The following FAM171A1 variants were observed in gnomAD, a reference collection of about 807,000 sequenced individuals.
FAM171A1 encodes family with sequence similarity 171 member A1.
In FAM171A1, 23 loss-of-function variants were observed where a neutral mutation model predicts 74.9. The observed-to-expected ratio is 0.31, with a 90% CI of 0.22 to 0.44. The LOEUF is 0.44. Ranked by LOEUF, FAM171A1 falls within the 20% of genes least tolerant of loss-of-function variation. The probability of loss-of-function intolerance (pLI) is 1.00; values close to 1 mark genes in which losing one functional copy is unlikely to be tolerated. For missense variants in FAM171A1, 1,162 were observed against 1,159.2 expected, an observed-to-expected ratio of 1.00 and a Z score of -0.03; for synonymous variants, 527 against 505.7, an observed-to-expected ratio of 1.04 and a Z score of -0.57.
At chr10:15,345,519 C>T (rs149550775) in intron 1 of FAM171A1, among the ~76,000 whole-genome samples, 17 of 152,278 alleles carry the variant, frequency 1.1e-4, no homozygotes, top group Non-Finnish European at 1.9e-4. Flanking sequence ...TGTATAAAGG[C>T]AGGGTGGCCG....
chr10:15,217,278 C>T (rs1472852394), intron 6 of FAM171A1, among the ~76,000 whole-genome samples: 2 of 152,060 alleles, frequency 1.3e-5, no homozygotes, highest in Admixed American at 6.6e-5. Flanking sequence ...TATTGGTGTC[C>T]GAGTTTCCTG....
At chr10:15,277,277 G>A (rs184537388) in intron 2 of FAM171A1, among the ~76,000 whole-genome samples, 11 of 152,184 alleles carry the variant, frequency 7.2e-5, no homozygotes, top group East Asian at 3.9e-4. Flanking sequence ...GAGTGCAATC[G>A]CGTGATCTTG....
chr10:15,293,982 T>A (rs139476910), intron 1 of FAM171A1, among the ~76,000 whole-genome samples: 2 of 152,318 alleles, frequency 1.3e-5, no homozygotes, highest in East Asian at 3.9e-4. Flanking sequence ...GCTCTGCTCA[T>A]TCTGGTTGGC....
chr10:15,238,014 C>T (rs1299733161), intron 5 of FAM171A1, among the ~76,000 whole-genome samples: 1 of 152,184 alleles, frequency 6.6e-6, no homozygotes, highest in African/African-American at 2.4e-5. Context: ...TGAACTACGG[C>T]ATCTATTCTT....
intron 5 of FAM171A1, among the ~76,000 whole-genome samples, chr10:15,226,474 G>C (rs1252274960): frequency 2.0e-5 from 3 of 152,144 alleles, no homozygotes; most frequent in African/African-American, 7.2e-5. Flanking sequence ...TAAAAGGTAA[G>C]CTTCCCTGCA....
chr10:15,273,819 T>C (rs1300748393), intron 3 of FAM171A1, among the ~76,000 whole-genome samples: 1 of 152,128 alleles, frequency 6.6e-6, no homozygotes, highest in Non-Finnish European at 1.5e-5. Flanking sequence ...AAAAGGCCTT[T>C]GACAAAATTC....
chr10:15,346,668 A>T (rs977162796), intron 1 of FAM171A1, among the ~76,000 whole-genome samples: 4 of 152,194 alleles, frequency 2.6e-5, no homozygotes, highest in African/African-American at 9.7e-5. Context: ...CTTCTAATAC[A>T]GAAGGCGTGG....
At chr10:15,232,764 T>A (rs917729563) in intron 5 of FAM171A1, among the ~76,000 whole-genome samples, 2 of 152,182 alleles carry the variant, frequency 1.3e-5, no homozygotes, top group African/African-American at 4.8e-5. Flanking sequence ...AAAAATCTGA[T>A]AAACTGGGAA....
chr10:15,328,334 C>T (rs1010854475), intron 1 of FAM171A1, among the ~76,000 whole-genome samples: 1 of 152,060 alleles, frequency 6.6e-6, no homozygotes, highest in African/African-American at 2.4e-5. Flanking sequence ...TTAGTAGAGA[C>T]GGGGTTTCAC....
chr10:15,244,839 G>T (rs144747696), intron 5 of FAM171A1, among the ~76,000 whole-genome samples: 11 of 152,224 alleles, frequency 7.2e-5, no homozygotes, highest in Non-Finnish European at 1.6e-4. Flanking sequence ...ATTGCAACGT[G>T]CACAATGTGC....
At chr10:15,240,811 G>A in intron 5 of FAM171A1, 1 of 864,482 alleles carries the variant, frequency 1.2e-6, no homozygotes, top group Non-Finnish European at 1.4e-6. Flanking sequence ...AGGCTGAGTT[G>A]GGAGGATCAC....
intron 5 of FAM171A1, 66 bp from the exon 6 acceptor site, chr10:15,221,126 T>C: frequency 7.5e-7 from 1 of 1,339,474 alleles, no homozygotes; most frequent in Non-Finnish European, 1.1e-6. Context: ...CTTGAGCATA[T>C]TGTAAAAGTC....
chr10:15,226,256 T>G (rs1208086786), intron 5 of FAM171A1, among the ~76,000 whole-genome samples: 1 of 152,194 alleles, frequency 6.6e-6, no homozygotes, highest in East Asian at 1.9e-4. Context: ...CAATGACATG[T>G]GCCTCTCTGT....
chr10:15,236,016 G>C (rs1834283862), intron 5 of FAM171A1, among the ~76,000 whole-genome samples: 1 of 152,172 alleles, frequency 6.6e-6, no homozygotes, highest in African/African-American at 2.4e-5. Context: ...TCACACACTA[G>C]ACGAACACTC....
At chr10:15,274,967 C>G (rs894703376) in intron 3 of FAM171A1, among the ~76,000 whole-genome samples, 30 of 152,100 alleles carry the variant, frequency 2.0e-4, no homozygotes, top group Non-Finnish European at 1.3e-4. Flanking sequence ...ATGGATGAAG[C>G]TGGAAACCAC....
chr10:15,262,638 G>T (rs776159396), intron 3 of FAM171A1, among the ~76,000 whole-genome samples: 5 of 152,234 alleles, frequency 3.3e-5, no homozygotes, highest in African/African-American at 4.8e-5. Context: ...CTGGCAAGGG[G>T]AGGTATCTCC....
At chr10:15,268,772 G>C (rs962579829) in intron 3 of FAM171A1, among the ~76,000 whole-genome samples, 4 of 152,182 alleles carry the variant, frequency 2.6e-5, no homozygotes, top group Non-Finnish European at 4.4e-5. Flanking sequence ...AGTTGGGCCA[G>C]GCATGGTGCC....
chr10:15,371,895 A>C (rs976566097), upstream of FAM171A1, among the ~76,000 whole-genome samples: 2 of 152,214 alleles, frequency 1.3e-5, no homozygotes, highest in African/African-American at 4.8e-5. Flanking sequence ...GGGATTCTGC[A>C]GTCGGGGAGA....
In FAM171A1 at chr10:15,275,964, T is replaced by G; in HGVS notation, c.326-17A>C. On this transcript the variant is annotated splice_polypyrimidine_tract_variant and intron_variant, in intron 2 of 7. Coordinates refer to ENST00000378116, the MANE Select transcript of FAM171A1 (RefSeq NM_001010924.2). ...AGGAAAATACTGCAGGAAAAAGAAA[T>G]GGATAGAAGGGGATTTTAATAGTCA... 1 of 1,580,928 alleles carries G rather than the reference T, an allele frequency of 6.3e-7. No homozygotes were observed. The highest frequency in any genetic ancestry group is 1.1e-5 in the South Asian group (1 of 87,650).
Sources: allele counts gnomAD v4.1 joint callset (sites outside exome capture counted in the v4.1 genomes callset), GRCh38; gene constraint gnomAD v4.1.1; transcripts MANE v1.5; gene names NCBI Gene and HGNC (gene_info 2026-07-23, HGNC 2026-07-21).